The following LVRN variants were observed in gnomAD, a reference collection of about 807,000 sequenced individuals.
LVRN encodes the protein aminopeptidase Q.
In LVRN, 99 loss-of-function variants were observed where a neutral mutation model predicts 111.4. That is an observed-to-expected ratio of 0.89 (90% confidence interval 0.76 to 1.05). The LOEUF (loss-of-function observed/expected upper bound fraction) is 1.05, where lower values mean the gene tolerates loss of function less well. LVRN is among the 50% of genes least tolerant of loss of function. The pLI is 0.00. For synonymous variants in LVRN, 488 were observed against 449.5 expected (o/e 1.09, Z -1.08); for missense variants, 1,414 against 1,206.8 (o/e 1.17, Z -2.54).
intron 17 of LVRN, 56 bp downstream of exon 17, chr5:116,015,475 G>C: frequency 1.4e-6 from 2 of 1,472,378 alleles, no homozygotes; most frequent in Non-Finnish European, 1.8e-6. Flanking sequence ...AATTAATAAA[G>C]GAAAAAAAAT....
At chr5:116,003,166 G>T in intron 11 of LVRN, 75 bp from the exon 12 acceptor site, 1 of 1,304,124 alleles carries the variant, frequency 7.7e-7, no homozygotes, top group Non-Finnish European at 1.1e-6. Flanking sequence ...GTTTAGAATC[G>T]AGTGTGTAGT....
chr5:116,012,333 G>C, intron 14 of LVRN, 41 bp from the exon 15 acceptor site: 2 of 1,114,596 alleles, frequency 1.8e-6, no homozygotes, highest in South Asian at 2.8e-5. Flanking sequence ...TTCAGTGTTT[G>C]CAAGCCAGAA....
At chr5:115,980,452 C>T (rs1166341889) in intron 1 of LVRN, among the ~76,000 whole-genome samples, 1 of 152,084 alleles carries the variant, frequency 6.6e-6, no homozygotes, top group African/African-American at 2.4e-5. Context: ...ATTTGAGAGA[C>T]TTTATTTTAC....
rs1748231593 is a variant in LVRN at position 116,001,223 on chromosome 5, A to G, written c.1804A>G (p.Thr602Ala). ...PFYLENIKNRTLLTSNDTWIV... is the reference protein window; with the variant it reads ...PFYLENIKNRALLTSNDTWIV... ...TTATCTTGAAAACATTAAAAATCGG[A>G]CTCTTCTAACCAGCAAGTAGGTAGC... is the stretch of plus-strand genomic sequence containing the variant. The change falls in exon 10 of 20, where the codon ACT (threonine) becomes GCT (alanine). Residue 602 changes from threonine to alanine, a missense_variant. Transcript: ENST00000357872. 6.2e-7 allele frequency: 1 copy of G among 1,613,270 alleles called. No individual in the cohort carries two copies. The highest frequency in any genetic ancestry group is 1.7e-5 in the Admixed American group (1 of 59,864).
At chr5:116,000,993 T>C in intron 9 of LVRN, 74 bp from the exon 10 acceptor site, 16 of 1,489,888 alleles carry the variant, frequency 1.1e-5, no homozygotes, top group Non-Finnish European at 1.4e-5. Context: ...CTACCGAGTT[T>C]CTTTTTGGAG....
At chr5:115,992,070 C>A in intron 4 of LVRN, 53 bp from the exon 5 acceptor site, 1 of 1,504,660 alleles carries the variant, frequency 6.6e-7, no homozygotes, top group Non-Finnish European at 9.0e-7. Flanking sequence ...TTTAAAAAAT[C>A]CCATTTTTTG....
intron 6 of LVRN, among the ~76,000 whole-genome samples, chr5:115,997,752 C>T (rs1003579309): frequency 3.3e-5 from 5 of 151,848 alleles, no homozygotes. Flanking sequence ...TTCATATTAT[C>T]TAATCACTAT....
intron 18 of LVRN, chr5:116,021,393 A>C (rs531082851): frequency 6.6e-6 from 1 of 152,620 alleles, no homozygotes; most frequent in East Asian, 1.9e-4. Flanking sequence ...GGCCAGTTAA[A>C]ATAGAGAACT....
intron 1 of LVRN, among the ~76,000 whole-genome samples, chr5:115,982,043 G>T (rs1753570471): frequency 6.6e-6 from 1 of 152,184 alleles, no homozygotes. Flanking sequence ...GTCTTACAGA[G>T]AAAGTAGCTG....
At chr5:115,988,017 C>G in intron 4 of LVRN, 78 bp downstream of exon 4, 1 of 1,524,662 alleles carries the variant, frequency 6.6e-7, no homozygotes, top group Non-Finnish European at 8.9e-7. Context: ...GATACACAGA[C>G]AAACCCATAA....
chr5:115,991,618 CCCCACGA>C lies in LVRN; in HGVS notation c.1106-504_1106-498del, dbSNP rs1302301700. ...CTATAGTGACTGTACCATTTTGCAT[CCCCACGA>C]GCAATGAATGAGAGTTCCTGTTGCT... is the stretch of plus-strand genomic sequence containing the variant. On this transcript the variant is annotated intron_variant, in intron 4 of 19. Transcript: ENST00000357872. Among the ~76,000 whole-genome samples the C allele has an allele frequency of 3.3e-5, 5 of 152,264 alleles. No homozygotes were observed. The East Asian group carries it at 9.7e-4, about 29-fold the overall frequency.
chr5:116,005,692 C>A, intron 12 of LVRN: 1 of 604,680 alleles, frequency 1.7e-6, no homozygotes, highest in South Asian at 1.6e-5. Context: ...ATATTTAAAC[C>A]TTATGATTGA....
chr5:115,995,241 G>A (rs1385416517), intron 6 of LVRN: 1 of 151,982 alleles, frequency 6.6e-6, no homozygotes, highest in Non-Finnish European at 1.5e-5. Context: ...ACTTGTTTTG[G>A]TCGATAGTTT....
intron 4 of LVRN, among the ~76,000 whole-genome samples, chr5:115,990,719 GC>G: frequency 6.6e-6 from 1 of 151,908 alleles, no homozygotes; most frequent in East Asian, 1.9e-4. Context: ...TTACAGGTGC[GC>G]ACCACCATGC....
Position 115,983,080 on chromosome 5 carries a change from G to A in LVRN, c.696-207G>A, listed in dbSNP as rs114224875. ...ATTATTTTGTGGTTTAAAAGTAAAG[G>A]GTGTGCTTGTATTTTAGGTCTTAGG... On this transcript the variant is annotated intron_variant, in intron 1 of 19. Transcript: ENST00000357872. Among the ~76,000 whole-genome samples, 618 of 152,114 alleles carry A rather than the reference G, an allele frequency of 4.1e-3. 2 individuals are homozygous for A. The highest frequency in any genetic ancestry group is 6.8e-3 in the Middle Eastern group (2 of 294).
intron 15 of LVRN, among the ~76,000 whole-genome samples, chr5:116,013,621 G>C (rs1748536166): frequency 6.6e-6 from 1 of 152,064 alleles, no homozygotes; most frequent in Non-Finnish European, 1.5e-5. Context: ...CTCCACCCTT[G>C]CACATTCCTC....
At chr5:115,989,099 A>G (rs1747928923) in intron 4 of LVRN, among the ~76,000 whole-genome samples, 2 of 152,002 alleles carry the variant, frequency 1.3e-5, no homozygotes, top group South Asian at 4.2e-4. Flanking sequence ...GCTTCTCCAC[A>G]TTCCCTCCAA....
chr5:116,022,421 A>G lies in LVRN; in HGVS notation c.2787A>G (p.Ile929Met), dbSNP rs752412110. Residue 929 changes from isoleucine to methionine, a missense_variant, in exon 19 of 20, where the codon ATA becomes ATG. Transcript: ENST00000357872. ...GAACACAATCATTGATTAATCTAAT[A>G]TATACAATAGGGAGAACCGTAACTA... is the stretch of plus-strand genomic sequence containing the variant. ...RYGTQSLINL[I>M]YTIGRTVTTD... 1.2e-5 allele frequency: 19 copies of G among 1,575,500 alleles called. No homozygotes were observed. In the South Asian group the frequency reaches 2.0e-4, roughly 17 times the overall value.
Position 116,014,450 on chromosome 5 carries a change from G to A in LVRN, c.2373G>A (p.Ala791=), listed in dbSNP as rs763520683. Residue 791 remains alanine, a synonymous_variant, in exon 16 of 20, where the codon GCG becomes GCA. Transcript: ENST00000357872. ...CACTGGAAAAACTTTTTGTAACTGC[G>A]TGTTGGTTGGGCCTTGAAGACTGCC... ...LISLEKLFVT[A]CWLGLEDCLQ... is the part of the protein sequence containing the mutation. The A allele has an allele frequency of 2.5e-5, 41 of 1,612,790 alleles. 1 individual carries two copies. Among genetic ancestry groups the A allele is most frequent in the Admixed American group, 5.0e-5 (3 of 59,826 alleles).
Sources: allele counts gnomAD v4.1 joint callset (sites outside exome capture counted in the v4.1 genomes callset), GRCh38; gene constraint gnomAD v4.1.1; transcripts MANE v1.5; gene names NCBI Gene and HGNC (gene_info 2026-07-23, HGNC 2026-07-21).